DLC1: variants seen among roughly 807,000 people sequenced by gnomAD.
DLC1 encodes DLC1 Rho GTPase activating protein.
Under a neutral mutation model 140.3 loss-of-function variants are expected in DLC1, and 54 were observed. The ratio of observed to expected loss-of-function variants is 0.38; its 90% CI spans 0.31 to 0.48. The LOEUF (loss-of-function observed/expected upper bound fraction) is 0.48. Among genes scored for constraint, DLC1 ranks in the 20% least tolerant of loss-of-function variants. The pLI is 0.96. For missense variants in DLC1, 2,536 were observed against 1,907.0 expected, an observed-to-expected ratio of 1.33 and a Z score of -6.14; for synonymous variants, 986 against 728.1, an observed-to-expected ratio of 1.35 and a Z score of -5.70.
chr8:13,518,700 ATG>A (rs1378283132), upstream of DLC1, among the ~76,000 whole-genome samples: 4 of 152,224 alleles, frequency 2.6e-5, no homozygotes, highest in Non-Finnish European at 5.9e-5. Context: ...ATTTTTGTTA[ATG>A]AATATGTTTA....
intron 3 of DLC1, among the ~76,000 whole-genome samples, chr8:13,400,419 A>C (rs530187906): frequency 5.5e-4 from 84 of 152,338 alleles, no homozygotes; most frequent in African/African-American, 2.0e-3. Context: ...AGTCAGGTAT[A>C]ATGCTGACAT....
intron 4 of DLC1, among the ~76,000 whole-genome samples, chr8:13,383,905 A>G (rs1252098853): frequency 6.6e-6 from 1 of 152,216 alleles, no homozygotes; most frequent in Non-Finnish European, 1.5e-5. Flanking sequence ...CAGCCTCACG[A>G]AAGACCCATA....
intron 5 of DLC1, among the ~76,000 whole-genome samples, chr8:13,153,959 G>C (rs191755532): frequency 1.2e-4 from 18 of 152,060 alleles, no homozygotes; most frequent in African/African-American, 3.6e-4. Flanking sequence ...TACAAACCTT[G>C]AGCTAGACAC....
At chr8:13,127,605 A>C (rs1821692385) in intron 5 of DLC1, among the ~76,000 whole-genome samples, 1 of 152,192 alleles carries the variant, frequency 6.6e-6, no homozygotes. Context: ...GAGTGTGAGG[A>C]GGGACACAGC....
chr8:13,101,130 C>G (rs1436614709), intron 8 of DLC1, among the ~76,000 whole-genome samples: 1 of 152,086 alleles, frequency 6.6e-6, no homozygotes, highest in Non-Finnish European at 1.5e-5. Flanking sequence ...AGGCTGGTCT[C>G]AAACTCCTGG....
At chr8:13,172,404 C>G (rs1373097280) in intron 5 of DLC1, among the ~76,000 whole-genome samples, 1 of 152,192 alleles carries the variant, frequency 6.6e-6, no homozygotes, top group African/African-American at 2.4e-5. Flanking sequence ...CTTTGTAGCT[C>G]ATTTATCCCT....
At chr8:13,399,183 T>G (rs1450540626) in intron 3 of DLC1, among the ~76,000 whole-genome samples, 30 of 152,156 alleles carry the variant, frequency 2.0e-4, no homozygotes, top group Admixed American at 2.0e-3. Context: ...TATTCCTAAT[T>G]CAAACTTCAA....
intron 2 of DLC1, among the ~76,000 whole-genome samples, chr8:13,464,534 C>A (rs1353668129): frequency 6.6e-6 from 1 of 151,610 alleles, no homozygotes; most frequent in African/African-American, 2.4e-5. Flanking sequence ...AACATATGTC[C>A]CATATATGTA....
chr8:13,554,669 A>G (rs1055613569), intron 1 of DLC1, among the ~76,000 whole-genome samples: 1 of 152,158 alleles, frequency 6.6e-6, no homozygotes, highest in African/African-American at 2.4e-5. Flanking sequence ...ATGTCTCTGA[A>G]ATATGGTCCT....
intron 2 of DLC1, among the ~76,000 whole-genome samples, chr8:13,491,778 A>T (rs1397485266): frequency 6.6e-6 from 1 of 152,116 alleles, no homozygotes; most frequent in Admixed American, 6.5e-5. Context: ...CAGAGAGGGG[A>T]TATGTGGCCA....
chr8:13,185,290 TTGTTTG>T (rs1360273589), intron 5 of DLC1, among the ~76,000 whole-genome samples: 1 of 75,052 alleles, frequency 1.3e-5, no homozygotes, highest in Non-Finnish European at 3.3e-5. Flanking sequence ...TCTGTTTTTT[TTGTTTG>T]TTTGTTTGTT....
In DLC1 at chr8:13,098,876, A is replaced by G. The variant is rs563373381; in HGVS notation, c.2991-301T>C. 3.9e-5 allele frequency among the ~76,000 whole-genome samples: 6 copies of G among 152,250 alleles called. 1 individual carries two copies. The highest frequency in any genetic ancestry group is 1.2e-4 in the African/African-American group (5 of 41,558). On this transcript the variant is annotated intron_variant, in intron 9 of 17. Coordinates refer to ENST00000276297, the MANE Select transcript of DLC1 (RefSeq NM_182643.3). ...AGTGATCCTCCCACCTCGGCCTCCC[A>G]AAGTATTGGATTACAAGTGTGAGCC...
At chr8:13,329,635 T>A (rs1385823920) in intron 4 of DLC1, among the ~76,000 whole-genome samples, 1 of 152,206 alleles carries the variant, frequency 6.6e-6, no homozygotes, top group African/African-American at 2.4e-5. Context: ...CCTCATCTGT[T>A]CTATGATTAG....
chr8:13,580,690 C>G (rs1229399695), intron 1 of DLC1, among the ~76,000 whole-genome samples: 1 of 152,162 alleles, frequency 6.6e-6, no homozygotes, highest in Non-Finnish European at 1.5e-5. Flanking sequence ...CTAAATAGGT[C>G]TTGCATAATG....
At chr8:13,153,156 TG>T (rs1290745976) in intron 5 of DLC1, among the ~76,000 whole-genome samples, 1 of 152,146 alleles carries the variant, frequency 6.6e-6, no homozygotes, top group Non-Finnish European at 1.5e-5. Flanking sequence ...ATCTTAAAGA[TG>T]GTGTGTCTGG....
intron 4 of DLC1, among the ~76,000 whole-genome samples, chr8:13,365,625 C>T (rs1835443665): frequency 6.6e-6 from 1 of 152,140 alleles, no homozygotes; most frequent in African/African-American, 2.4e-5. Flanking sequence ...TCATTGTGCA[C>T]CACTGAGCGA....
chr8:13,162,485 G>A (rs925852377), intron 5 of DLC1, among the ~76,000 whole-genome samples: 1 of 152,148 alleles, frequency 6.6e-6, no homozygotes, highest in Non-Finnish European at 1.5e-5. Flanking sequence ...ACCAAACCCG[G>A]CTAATTTTTA....
intron 5 of DLC1, chr8:13,276,630 G>C: frequency 1.7e-6 from 2 of 1,207,952 alleles, no homozygotes; most frequent in Non-Finnish European, 2.1e-6. Flanking sequence ...CACCCTCGCG[G>C]GGCGCGCGAG....
intron 2 of DLC1, among the ~76,000 whole-genome samples, chr8:13,457,676 CA>C (rs34916262): frequency 0.2 from 10,911 of 54,620 alleles, 436 homozygotes; most frequent in African/African-American, 0.34. Context: ...GACTCCATCT[CA>C]AAAAAAAAAA....
Sources: gnomAD v4.1 joint callset for allele counts (sites outside exome capture counted in the v4.1 genomes callset) on GRCh38, gnomAD v4.1.1 for gene constraint, MANE v1.5 for transcripts, NCBI Gene and HGNC (gene_info 2026-07-23, HGNC 2026-07-21) for gene names.